The following IDI2 variants were observed in gnomAD, a reference collection of about 807,000 sequenced individuals.
The protein encoded by IDI2 is isopentenyl-diphosphate delta-isomerase 2.
Under a neutral mutation model 14.8 loss-of-function variants are expected in IDI2, and 18 were observed. That is an observed-to-expected ratio of 1.22 (90% CI 0.84 to 1.80). The LOEUF is 1.80. Among genes scored for constraint, IDI2 ranks in the 40% most tolerant of loss-of-function variants. IDI2 has a pLI of 0.00. For synonymous variants in IDI2, 133 were observed against 109.6 expected, an observed-to-expected ratio of 1.21 and a Z score of -1.33; for missense variants, 316 against 283.2, an observed-to-expected ratio of 1.12 and a Z score of -0.83.
chr10:1,022,731 T>A lies in IDI2; in HGVS notation c.187A>T (p.Asn63Tyr). ...GACCTCTGCTGTATCAGGATTCGAT[T>A]CTTGGTGTTAAACAAGACAACGCTG... ...AFSVVLFNTK[N>Y]RILIQQRSDT... Residue 63 changes from asparagine (N) to tyrosine (Y), a missense_variant, in exon 3 of 5, where the codon AAT (asparagine) becomes TAT (tyrosine). Physicochemically the swap from Asn to Tyr is moderately radical, Grantham distance 143. Transcript: ENST00000277517. 1 of 1,614,188 alleles carries A rather than the reference T, an allele frequency of 6.2e-7. No homozygotes were observed. Among genetic ancestry groups the A allele is most frequent in the East Asian group, 2.2e-5 (1 of 44,880 alleles).
rs1183200946 is a variant in IDI2, at chr10:1,019,682, GT to G, written c.518del (p.Tyr173SerfsTer25). The G allele has an allele frequency of 6.2e-7, 1 of 1,613,914 alleles. No homozygotes were observed. Among genetic ancestry groups the G allele is most frequent in the East Asian group, 2.2e-5 (1 of 44,850 alleles). On this transcript the variant is annotated frameshift_variant, in exon 5 of 5. Transcript: ENST00000277517. LOFTEE classifies it low-confidence loss of function (END_TRUNC). ...PDPSETKSIL[Y>X]LSQEELWELL... ...GCTCCCACAGCTCCTCCTGGGACAGGTAGAGGATGCTTTTCGTTTCACTGGG... is the reference window on the plus strand; with the variant it reads ...GCTCCCACAGCTCCTCCTGGGACAGGAGAGGATGCTTTTCGTTTCACTGGG...
Position 1,024,727 on chromosome 10 carries a change from T to G in IDI2, c.-4A>C. 1 of 1,614,032 alleles carries G rather than the reference T, an allele frequency of 6.2e-7. No individual in the cohort carries two copies. Among genetic ancestry groups the G allele is most frequent in the Non-Finnish European group, 8.5e-7 (1 of 1,180,006 alleles). ...AGTCAAGATTTATGTCAGACATAGC[T>G]GCTGGCTGTGACCCGACCTGAAATA... On this transcript the variant is annotated 5_prime_UTR_variant, in exon 2 of 5. Transcript: ENST00000277517.
Position 1,024,690 on chromosome 10 carries a change from G to T in IDI2, c.34C>A (p.Arg12Ser). 1.2e-6 allele frequency: 2 copies of T among 1,614,112 alleles called. No individual in the cohort carries two copies. Among genetic ancestry groups the T allele is most frequent in the Non-Finnish European group, 1.7e-6 (2 of 1,180,006 alleles). Residue 12 changes from arginine to serine, a missense_variant, in exon 2 of 5, where the codon CGT becomes AGT. By Grantham distance (110) the Arg-to-Ser change is moderately radical (BLOSUM62 -1). Coordinates refer to ENST00000277517, the MANE Select transcript of IDI2 (RefSeq NM_033261.3). Reference sequence around the variant, plus strand: ...ATTTCCTCCAAGCGCTGCAACTGACGCCTGTCAACCCAGTCAAGATTTATG... The same window carrying T: ...ATTTCCTCCAAGCGCTGCAACTGACTCCTGTCAACCCAGTCAAGATTTATG... ...SDINLDWVDR[R>S]QLQRLEEMLI...
In IDI2 at chr10:1,020,908, T is replaced by C. The variant is rs200755391; in HGVS notation, c.236-11A>G. On this transcript the variant is annotated splice_polypyrimidine_tract_variant and intron_variant, in intron 3 of 4. Coordinates refer to ENST00000277517, the MANE Select transcript of IDI2 (RefSeq NM_033261.3). ...AGTCGGTAAAATACCCTGGAAAAAA[T>C]GCATGTGGGAACATCCCTCTTTATT... The C allele has an allele frequency of 6.2e-7, 1 of 1,607,458 alleles. No individual in the cohort carries two copies. The highest frequency in any genetic ancestry group is 8.5e-7 in the Non-Finnish European group (1 of 1,177,678).
At position 1,019,288 on chromosome 10, in the gene IDI2, A is replaced by C; in HGVS notation, c.*229T>G. 2.0e-6 allele frequency: 1 copy of C among 498,270 alleles called. No individual in the cohort carries two copies. Among genetic ancestry groups the C allele is most frequent in the Non-Finnish European group, 3.6e-6 (1 of 279,992 alleles). The allele number at this position is 498,270 out of a possible 1,614,324, so 30.9% of individuals were successfully genotyped here. Reference sequence around the variant, plus strand: ...ATAAAATGGAAATTGGGACAAAGGAAATGTTAAATTTCCTCCCTGCAACCA... The same window carrying C: ...ATAAAATGGAAATTGGGACAAAGGACATGTTAAATTTCCTCCCTGCAACCA... On this transcript the variant is annotated 3_prime_UTR_variant, in exon 5 of 5. Coordinates refer to ENST00000277517, the MANE Select transcript of IDI2 (RefSeq NM_033261.3).
rs1342686527 is a variant in IDI2, at chr10:1,019,655, C to G, written c.546G>C (p.Leu182=). 1.9e-6 allele frequency: 3 copies of G among 1,613,970 alleles called. No individual in the cohort carries two copies. Among genetic ancestry groups the G allele is most frequent in the African/African-American group, 2.7e-5 (2 of 74,910 alleles). ...CTTCACCCCTCGCCTCCCTCTCCAG[C>G]AGCTCCCACAGCTCCTCCTGGGACA... ...LYLSQEELWE[L]LEREARGEVK... is the part of the protein sequence containing the mutation. Residue 182 remains leucine (L), a synonymous_variant, in exon 5 of 5, where the codon CTG becomes CTC. Coordinates refer to ENST00000277517, the MANE Select transcript of IDI2 (RefSeq NM_033261.3).
chr10:1,021,020 G>A, intron 3 of IDI2, 123 bp from the exon 4 acceptor site: 1 of 1,097,938 alleles, frequency 9.1e-7, no homozygotes, highest in Non-Finnish European at 1.3e-6. Context: ...CTGGCGGGGG[G>A]AGTGGGTTTG....
chr10:1,020,299 T>G (rs1832069696), intron 4 of IDI2, among the ~76,000 whole-genome samples: 1 of 151,970 alleles, frequency 6.6e-6, no homozygotes, highest in South Asian at 2.1e-4. Flanking sequence ...CCCGGCTCAC[T>G]GCAACCTCTG....
chr10:1,019,718 C>T lies in IDI2; in HGVS notation c.483G>A (p.Leu161=), dbSNP rs200190161. 88 of 1,613,854 alleles carry T rather than the reference C, an allele frequency of 5.5e-5. 2 individuals are homozygous for T. The highest frequency in any genetic ancestry group is 2.2e-4 in the Admixed American group (13 of 59,964). ...TTTTCGTTTCACTGGGATCCGGGTT[C>T]AGAGTGACGTTTTTCCTCACAAGCA... ...YLLLVRKNVT[L]NPDPSETKSI... is the part of the protein sequence containing the mutation. The change falls in exon 5 of 5, where the codon CTG becomes CTA. Residue 161 remains leucine (L), a synonymous_variant. Coordinates refer to ENST00000277517, the MANE Select transcript of IDI2 (RefSeq NM_033261.3).
At position 1,019,704 on chromosome 10, in the gene IDI2, C is replaced by T. The variant is rs200578674; in HGVS notation, c.497G>A (p.Ser166Asn). The T allele has an allele frequency of 5.0e-5, 81 of 1,613,924 alleles. 1 individual carries two copies. The highest frequency in any genetic ancestry group is 3.3e-5 in the Non-Finnish European group (39 of 1,180,022). Residue 166 changes from serine (S) to asparagine (N), a missense_variant, in exon 5 of 5, where the codon AGT becomes AAT. Transcript: ENST00000277517. ...CAGGTAGAGGATGCTTTTCGTTTCACTGGGATCCGGGTTCAGAGTGACGTT... is the reference window on the plus strand; with the variant it reads ...CAGGTAGAGGATGCTTTTCGTTTCATTGGGATCCGGGTTCAGAGTGACGTT... ...RKNVTLNPDP[S>N]ETKSILYLSQ...
chr10:1,021,373 C>CT lies in IDI2; in HGVS notation c.236-477dup, dbSNP rs1175433472. Among the ~76,000 whole-genome samples the CT allele has an allele frequency of 4.6e-5, 7 of 152,204 alleles. No individual in the cohort carries two copies. In the South Asian group the frequency reaches 1.4e-3, roughly 31 times the overall value. On this transcript the variant is annotated intron_variant, in intron 3 of 4. Transcript: ENST00000277517. ...TTTCACAGGAAGACTGCTGGAATACCTTTGACCAAGTTTCCTTACTGAGAG... is the reference window on the plus strand; with the variant it reads ...TTTCACAGGAAGACTGCTGGAATACCTTTTGACCAAGTTTCCTTACTGAGAG...
Position 1,020,896 on chromosome 10 carries a change from C to T in IDI2, c.237G>A (p.Gly79=), listed in dbSNP as rs946329840. ...GGCTACTACAGGAGTCGGTAAAATA[C>T]CCTGGAAAAAATGCATGTGGGAACA... The part of the protein sequence containing the change: ...QRSDTKVTFP[G]YFTDSCSSHP... Residue 79 remains glycine (G), a splice_region_variant and synonymous_variant, in exon 4 of 5, where the codon GGG becomes GGA. Coordinates refer to ENST00000277517, the MANE Select transcript of IDI2 (RefSeq NM_033261.3). 2 of 1,607,780 alleles carry T rather than the reference C, an allele frequency of 1.2e-6. No individual in the cohort carries two copies. Among genetic ancestry groups the T allele is most frequent in the Non-Finnish European group, 1.7e-6 (2 of 1,178,022 alleles).
In IDI2 at chr10:1,024,755, T is replaced by C. The variant is rs763173822; in HGVS notation, c.-21-11A>G. The C allele has an allele frequency of 6.2e-7, 1 of 1,613,034 alleles. No individual in the cohort carries two copies. Among genetic ancestry groups the C allele is most frequent in the Admixed American group, 1.7e-5 (1 of 59,714 alleles). ...TGGCTGTGACCCGACCTGAAATAGA[T>C]GCACACAAATGCCTCTTTATGTGAA... On this transcript the variant is annotated splice_polypyrimidine_tract_variant and intron_variant, in intron 1 of 4. Coordinates refer to ENST00000277517, the MANE Select transcript of IDI2 (RefSeq NM_033261.3).
At chr10:1,020,686 C>CTCGGTGGTCG in intron 4 of IDI2, 81 bp downstream of exon 4, 2 of 1,408,048 alleles carry the variant, frequency 1.4e-6, no homozygotes, top group Non-Finnish European at 1.9e-6. Flanking sequence ...TGGTGTAGAT[C>CTCGGTGGTCG]CAGCCTGGAC....
Position 1,024,642 on chromosome 10 carries a change from C to A in IDI2, c.82G>T (p.Asp28Tyr), listed in dbSNP as rs367599928. ...TTGGTGTCGGCACCAATAACCTTAT[C>A]ATTCTCATCCACAACAATCAGCATT... is the stretch of plus-strand genomic sequence containing the variant. ...EEMLIVVDEN[D>Y]KVIGADTKRN... Residue 28 changes from aspartate (D) to tyrosine (Y), a missense_variant, in exon 2 of 5, where the codon GAT becomes TAT. By Grantham distance (160) the Asp-to-Tyr change is radical. Coordinates refer to ENST00000277517, the MANE Select transcript of IDI2 (RefSeq NM_033261.3). The A allele has an allele frequency of 4.2e-5, 67 of 1,614,036 alleles. No homozygotes were observed. Among genetic ancestry groups the A allele is most frequent in the Non-Finnish European group, 5.3e-5 (63 of 1,180,032 alleles).
Position 1,024,619 on chromosome 10 carries a change from G to C in IDI2, c.105C>G (p.Thr35=). Residue 35 remains threonine, a synonymous_variant, in exon 2 of 5, where the codon ACC becomes ACG. Coordinates refer to ENST00000277517, the MANE Select transcript of IDI2 (RefSeq NM_033261.3). ...TTTCGTTCAGATGGCAATTCCTCTT[G>C]GTGTCGGCACCAATAACCTTATCAT... ...DENDKVIGAD[T]KRNCHLNENI... is the part of the protein sequence containing the mutation. 6.2e-7 allele frequency: 1 copy of C among 1,614,092 alleles called. No individual in the cohort carries two copies. The highest frequency in any genetic ancestry group is 8.5e-7 in the Non-Finnish European group (1 of 1,179,998).
rs745622884 is a variant in IDI2, at chr10:1,020,753, G to A, written c.366+14C>T. On this transcript the variant is annotated intron_variant, in intron 4 of 4. Transcript: ENST00000277517. ...ACTCCCGTGGACACAGCTGAGACTG[G>A]ATGCTGTGTGTACCTGCTCCCCAGG... is the stretch of plus-strand genomic sequence containing the variant. The A allele has an allele frequency of 1.6e-5, 26 of 1,604,206 alleles. No individual in the cohort carries two copies. The highest frequency in any genetic ancestry group is 2.2e-5 in the Non-Finnish European group (26 of 1,175,672).
At position 1,024,479 on chromosome 10, in the gene IDI2, C is replaced by T. The variant is rs966705621; in HGVS notation, c.142+103G>A. On this transcript the variant is annotated intron_variant, in intron 2 of 4. Transcript: ENST00000277517. ...GCAAGCACACAGGTGACCCAGTGGT[C>T]GCCTCCTAGCCGGAAAGGCCTAGAC... The T allele has an allele frequency of 6.2e-6, 8 of 1,296,100 alleles. No individual in the cohort carries two copies. In the Admixed American group the frequency reaches 6.6e-5, roughly 11 times the overall value. 80.3% of individuals were successfully genotyped at this position (1,296,100 alleles called of 1,614,324 possible).
At chr10:1,020,426 T>G (rs1030414593) in intron 4 of IDI2, among the ~76,000 whole-genome samples, 20 of 152,080 alleles carry the variant, frequency 1.3e-4, no homozygotes, top group African/African-American at 4.8e-4. Context: ...CTTGACCTTG[T>G]GATCCGCCCG....
Sources: gnomAD v4.1 joint callset for allele counts (sites outside exome capture counted in the v4.1 genomes callset) on GRCh38, gnomAD v4.1.1 for gene constraint, MANE v1.5 for transcripts, NCBI Gene and HGNC (gene_info 2026-07-23, HGNC 2026-07-21) for gene names.